The following VPS13C variants were observed in gnomAD, a reference collection of about 807,000 sequenced individuals.
The protein encoded by VPS13C is vacuolar protein sorting 13 homolog C, also known as intermembrane lipid transfer protein VPS13C.
Under a neutral mutation model 456.8 loss-of-function variants are expected in VPS13C, and 358 were observed. That is an observed-to-expected ratio of 0.78 (90% confidence interval 0.72 to 0.86). The LOEUF (loss-of-function observed/expected upper bound fraction) is 0.86, where lower values mean the gene tolerates loss of function less well. Among genes scored for constraint, VPS13C ranks in the 40% least tolerant of loss-of-function variants. VPS13C has a pLI of 0.00. For synonymous variants in VPS13C, 1,578 were observed against 1,486.7 expected (o/e 1.06, Z -1.41); for missense variants, 4,818 against 4,385.4 (o/e 1.10, Z -2.79).
intron 48 of VPS13C, chr15:61,935,592 C>A (rs989469443): frequency 1.3e-5 from 2 of 152,156 alleles, no homozygotes; most frequent in Non-Finnish European, 2.9e-5. Context: ...ATAGTTTATT[C>A]ATCTCTACAT....
At chr15:62,000,668 T>C (rs866326231) in intron 15 of VPS13C, 42 bp from the exon 16 acceptor site, 3 of 1,542,068 alleles carry the variant, frequency 1.9e-6, no homozygotes, top group African/African-American at 2.8e-5. Flanking sequence ...AATTTAATCA[T>C]TAGATAAAAG....
rs60910951 is a variant in VPS13C, at chr15:61,914,878, T to TAAAAAAAA, written c.8445+747_8445+754dup. 4.5e-3 allele frequency among the ~76,000 whole-genome samples: 460 copies of TAAAAAAAA among 102,000 alleles called. 72 individuals are homozygous for TAAAAAAAA. Among genetic ancestry groups the TAAAAAAAA allele is most frequent in the African/African-American group, 0.014 (380 of 27,050 alleles). The allele number at this position is 102,000 out of a possible 152,430, so 66.9% of individuals were successfully genotyped here. ...ACCGAGCCTGGCCAAAACTCTGCCT[T>TAAAAAAAA]AAAAAAAAAAAAAAAAAAAAAAAAA... is the stretch of plus-strand genomic sequence containing the variant. On this transcript the variant is annotated intron_variant, in intron 61 of 84. Coordinates refer to ENST00000644861, the MANE Select transcript of VPS13C (RefSeq NM_020821.3).
In VPS13C at chr15:61,972,675, C is replaced by T. The variant is rs777433565; in HGVS notation, c.2707G>A (p.Val903Ile). 1 of 1,613,248 alleles carries T rather than the reference C, an allele frequency of 6.2e-7. No homozygotes were observed. The highest frequency in any genetic ancestry group is 8.5e-7 in the Non-Finnish European group (1 of 1,179,700). ...AGATTGATGAGCTCCTCATTTGGGA[C>T]CTCTGCAGCTTTTTTAAGTTCTGAT... The part of the protein sequence containing the change: ...KGSELKKAAE[V>I]PNEELINLLL... Residue 903 changes from valine to isoleucine, a missense_variant, in exon 27 of 85, where the codon GTC (valine) becomes ATC (isoleucine). Physicochemically the swap from Val to Ile is conservative, Grantham distance 29. Around this residue, in one of 3 missense-constraint regions of VPS13C, gnomAD observed 4,552 missense variants for 4,130.6 expected, o/e 1.10. Coordinates refer to ENST00000644861, the MANE Select transcript of VPS13C (RefSeq NM_020821.3).
intron 69 of VPS13C, 119 bp downstream of exon 69, chr15:61,882,477 A>G (rs1895930629): frequency 9.6e-7 from 1 of 1,038,630 alleles, no homozygotes; most frequent in Non-Finnish European, 1.3e-6. Context: ...AGGGGAAAAA[A>G]CATACAAACA....
intron 1 of VPS13C, among the ~76,000 whole-genome samples, chr15:62,048,552 C>T (rs559585662): frequency 1.1e-3 from 163 of 152,088 alleles, no homozygotes; most frequent in African/African-American, 3.6e-3. Context: ...TGAATAGTGC[C>T]GCAATAAACA....
Position 61,871,324 on chromosome 15 carries a change from T to C in VPS13C, c.10624+665A>G, listed in dbSNP as rs980340531. On this transcript the variant is annotated intron_variant, in intron 79 of 84. Transcript: ENST00000644861. Reference sequence around the variant, plus strand: ...TGTTCTTTTGCTCATAGATATGAAGTTGTCCCAGCAAATTTCTTGAGGACG... The same window carrying C: ...TGTTCTTTTGCTCATAGATATGAAGCTGTCCCAGCAAATTTCTTGAGGACG... Among the ~76,000 whole-genome samples the C allele has an allele frequency of 2.0e-5, 3 of 152,162 alleles. No individual in the cohort carries two copies. In the South Asian group the frequency reaches 6.2e-4, roughly 31 times the overall value.
intron 15 of VPS13C, among the ~76,000 whole-genome samples, chr15:62,003,377 G>A (rs1188779854): frequency 2.0e-5 from 3 of 151,836 alleles, no homozygotes; most frequent in Admixed American, 1.3e-4. Flanking sequence ...TTTGTATCCT[G>A]AGACTTTGCT....
At chr15:61,885,091 A>G (rs1896171025) in intron 67 of VPS13C, among the ~76,000 whole-genome samples, 1 of 152,038 alleles carries the variant, frequency 6.6e-6, no homozygotes, top group African/African-American at 2.4e-5. Context: ...CTTAAAATAT[A>G]TCCTCTCCAA....
intron 9 of VPS13C, among the ~76,000 whole-genome samples, chr15:62,020,107 CACATACAT>C (rs72358832): frequency 6.6e-6 from 1 of 151,574 alleles, no homozygotes; most frequent in African/African-American, 2.4e-5. Flanking sequence ...CACACACACA[CACATACAT>C]AAACATATGC....
intron 1 of VPS13C, among the ~76,000 whole-genome samples, chr15:62,051,207 G>A (rs2048605457): frequency 6.6e-6 from 1 of 152,138 alleles, no homozygotes; most frequent in Non-Finnish European, 1.5e-5. Context: ...TAAATCCCCA[G>A]TCTGATTATA....
chr15:62,004,864 G>A (rs921383372), intron 15 of VPS13C, among the ~76,000 whole-genome samples: 2 of 152,182 alleles, frequency 1.3e-5, no homozygotes, highest in Non-Finnish European at 2.9e-5. Context: ...GTTCTAGTTT[G>A]ATTGCCCTGT....
chr15:61,983,262 T>C (rs2045940873), intron 20 of VPS13C, among the ~76,000 whole-genome samples: 1 of 152,162 alleles, frequency 6.6e-6, no homozygotes, highest in African/African-American at 2.4e-5. Context: ...GGGGCGAACC[T>C]ACAAGTGATG....
At chr15:61,980,867 G>A (rs1240247111) in intron 22 of VPS13C, among the ~76,000 whole-genome samples, 1 of 151,948 alleles carries the variant, frequency 6.6e-6, no homozygotes, top group Non-Finnish European at 1.5e-5. Flanking sequence ...AAACTTCAAA[G>A]TCCCCTCATA....
At chr15:61,864,372 G>A (rs1894395251) in intron 81 of VPS13C, 1 of 899,274 alleles carries the variant, frequency 1.1e-6, no homozygotes, top group Non-Finnish European at 1.3e-6. Flanking sequence ...ACTTGAATTA[G>A]TCAAATATTA....
intron 79 of VPS13C, among the ~76,000 whole-genome samples, chr15:61,871,329 C>T (rs893915648): frequency 1.3e-5 from 2 of 152,014 alleles, no homozygotes; most frequent in African/African-American, 4.8e-5. Flanking sequence ...TGAAGTTGTC[C>T]CAGCAAATTT....
At chr15:61,963,785 A>G (rs999338189) in intron 32 of VPS13C, 50 bp downstream of exon 32, 1 of 1,335,784 alleles carries the variant, frequency 7.5e-7, no homozygotes, top group Admixed American at 1.7e-5. Flanking sequence ...AGACAAAAAG[A>G]AGGAAAAGTT....
intron 1 of VPS13C, among the ~76,000 whole-genome samples, chr15:62,054,118 G>A (rs1019778736): frequency 6.6e-6 from 1 of 152,166 alleles, no homozygotes; most frequent in Non-Finnish European, 1.5e-5. Context: ...AAAAGATGAG[G>A]CATTTCAACA....
At position 61,896,744 on chromosome 15, in the gene VPS13C, CCCA is replaced by C. The variant is rs1309607836; in HGVS notation, c.9106-6347_9106-6345del. 6.6e-5 allele frequency among the ~76,000 whole-genome samples: 10 copies of C among 152,320 alleles called. No individual in the cohort carries two copies. In the East Asian group the frequency reaches 1.9e-3, roughly 29 times the overall value. ...GCTGGGAAGCTCGAACTGGGTGTAG[CCCA>C]CCACAGCTCAAGGAGGCCTGCCTGC... is the stretch of plus-strand genomic sequence containing the variant. On this transcript the variant is annotated intron_variant, in intron 66 of 84. Coordinates refer to ENST00000644861, the MANE Select transcript of VPS13C (RefSeq NM_020821.3).
In VPS13C at chr15:61,950,997, A is replaced by C. The variant is rs757563050; in HGVS notation, c.4484T>G (p.Ile1495Ser). Reference sequence around the variant, plus strand: ...TTCGTCAGTCACATTAGAAGAGTTAATAATGTGAAGAGGTTCCCCTTTAGA... The same window carrying C: ...TTCGTCAGTCACATTAGAAGAGTTACTAATGTGAAGAGGTTCCCCTTTAGA... ...TDSKGEPLHI[I>S]NSSNVTDEPL... The change falls in exon 40 of 85, where the codon ATT becomes AGT. Residue 1495 changes from isoleucine (I) to serine (S), a missense_variant. Coordinates refer to ENST00000644861, the MANE Select transcript of VPS13C (RefSeq NM_020821.3). 1 of 1,603,984 alleles carries C rather than the reference A, an allele frequency of 6.2e-7. No homozygotes were observed. Among genetic ancestry groups the C allele is most frequent in the Non-Finnish European group, 8.5e-7 (1 of 1,175,706 alleles).
Sources: gnomAD v4.1 joint callset for allele counts (sites outside exome capture counted in the v4.1 genomes callset) on GRCh38, gnomAD v4.1.1 for gene constraint, gnomAD v4.1.1 regional missense constraint, MANE v1.5 for transcripts, NCBI Gene and HGNC (gene_info 2026-07-23, HGNC 2026-07-21) for gene names.